The following PLB1 variants were observed in gnomAD, a reference collection of about 807,000 sequenced individuals.
The protein encoded by PLB1 is phospholipase B1, membrane-associated.
In PLB1, 242 loss-of-function variants were observed where a neutral mutation model predicts 227.4. That is an observed-to-expected ratio of 1.06 (90% CI 0.96 to 1.18). PLB1 has a LOEUF of 1.18. Ranked by LOEUF, PLB1 falls within the 50% of genes most tolerant of loss-of-function variation. The pLI is 0.00. For missense variants in PLB1, 1,858 were observed against 1,816.3 expected, an observed-to-expected ratio of 1.02 and a Z score of -0.42; for synonymous variants, 757 against 682.2, an observed-to-expected ratio of 1.11 and a Z score of -1.71.
intron 30 of PLB1, among the ~76,000 whole-genome samples, 180 bp from the exon 31 acceptor site, chr2:28,591,520 C>T (rs112451479): frequency 1.4e-4 from 21 of 152,326 alleles, no homozygotes; most frequent in African/African-American, 4.3e-4. Context: ...GAGTGGACCT[C>T]GATCTGTGGC....
Position 28,640,959 on chromosome 2 carries a change from C to T in PLB1, c.4131C>T (p.Asn1377=), listed in dbSNP as rs1243356264. ...LEPVGRKTTS[N]NFTHSRAKLK... The stretch of plus-strand genomic sequence containing the variant: ...CAGTGGGCCGCAAGACTACCTCCAA[C>T]AACTTCACCCACAGCCGAGCCAAAC... The change falls in exon 57 of 58, where the codon AAC becomes AAT. Residue 1377 remains asparagine, a synonymous_variant. Transcript: ENST00000327757. 11 of 1,613,858 alleles carry T rather than the reference C, an allele frequency of 6.8e-6. No individual in the cohort carries two copies. Among genetic ancestry groups the T allele is most frequent in the Non-Finnish European group, 9.3e-6 (11 of 1,179,926 alleles).
At chr2:28,518,608 A>G in intron 3 of PLB1, 76 bp downstream of exon 3, 2 of 1,115,602 alleles carry the variant, frequency 1.8e-6, no homozygotes, top group East Asian at 2.4e-5. Flanking sequence ...CTCTAACCCT[A>G]TTCTTCTTGG....
At chr2:28,628,739 G>C in intron 52 of PLB1, 111 bp downstream of exon 52, 1 of 1,057,918 alleles carries the variant, frequency 9.5e-7, no homozygotes, top group Non-Finnish European at 1.5e-6. Flanking sequence ...CCATGAGTGA[G>C]CACCTGGATG....
In PLB1 at chr2:28,579,484, A is replaced by G. The variant is rs1382630988; in HGVS notation, c.1486-143A>G. On this transcript the variant is annotated intron_variant, in intron 22 of 57. Transcript: ENST00000327757. The stretch of plus-strand genomic sequence containing the variant: ...TTAGCACCTATGATCTCAGGACCCT[A>G]AAAGCAAGGAACAGAAAATTCAGAA... The G allele has an allele frequency of 2.5e-5, 15 of 603,310 alleles. No individual in the cohort carries two copies. In the East Asian group the frequency reaches 3.1e-4, roughly 12 times the overall value. The allele number at this position is 603,310 out of a possible 1,614,324, so 37.4% of individuals were successfully genotyped here. A position where few individuals can be genotyped will look rare whatever the true frequency, so the allele number is the denominator to read the frequency against.
At chr2:28,620,031 G>A (rs1173777720) in intron 46 of PLB1, among the ~76,000 whole-genome samples, 1 of 152,134 alleles carries the variant, frequency 6.6e-6, no homozygotes, top group African/African-American at 2.4e-5. Context: ...AGGGGCGGGT[G>A]CTAGGGAGAG....
chr2:28,618,378 C>A lies in PLB1; in HGVS notation c.3294C>A (p.Ala1098=), dbSNP rs201645442. 1.1e-4 allele frequency: 185 copies of A among 1,614,112 alleles called. No individual in the cohort carries two copies. The highest frequency in any genetic ancestry group is 1.5e-4 in the Admixed American group (9 of 60,022). Residue 1098 remains alanine (A), a synonymous_variant, in exon 46 of 58, where the codon GCC becomes GCA. Transcript: ENST00000327757. The part of the protein sequence containing the change: ...QLRPADIKVV[A]ALGDSLTTAV... The stretch of plus-strand genomic sequence containing the variant: ...GACCAGCAGACATCAAAGTGGTGGC[C>A]GCCCTGGGTGACTCTCTGACTGTGA...
chr2:28,512,241 T>G (rs369434235), intron 1 of PLB1, among the ~76,000 whole-genome samples: 2 of 152,166 alleles, frequency 1.3e-5, no homozygotes, highest in African/African-American at 4.8e-5. Context: ...TACTGATCTT[T>G]TATTCTGTTA....
chr2:28,601,817 G>C, intron 37 of PLB1, 82 bp from the exon 38 acceptor site: 1 of 1,218,516 alleles, frequency 8.2e-7, no homozygotes, highest in Admixed American at 1.7e-5. Context: ...CAGGGCTGGA[G>C]CCAGAAGGGA....
intron 38 of PLB1, 44 bp from the exon 39 acceptor site, chr2:28,602,777 A>G (rs1398065168): frequency 6.4e-7 from 1 of 1,560,138 alleles, no homozygotes; most frequent in Non-Finnish European, 8.8e-7. Flanking sequence ...AGCCCCAGGA[A>G]GAAGTGCCTG....
intron 1 of PLB1, among the ~76,000 whole-genome samples, chr2:28,507,286 G>A (rs911362507): frequency 2.6e-5 from 4 of 152,164 alleles, no homozygotes; most frequent in Non-Finnish European, 5.9e-5. Flanking sequence ...TAATACCACA[G>A]ACTGGGTCAT....
At chr2:28,503,550 T>A (rs1667332143) in intron 1 of PLB1, among the ~76,000 whole-genome samples, 1 of 152,198 alleles carries the variant, frequency 6.6e-6, no homozygotes, top group African/African-American at 2.4e-5. Context: ...TACTCACAGT[T>A]CTGTGAACCT....
intron 22 of PLB1, among the ~76,000 whole-genome samples, 192 bp from the exon 23 acceptor site, chr2:28,579,435 T>C (rs1382770246): frequency 6.6e-6 from 1 of 152,178 alleles, no homozygotes; most frequent in Non-Finnish European, 1.5e-5. Flanking sequence ...AGTTCAGTGA[T>C]TCCACCTAAA....
At chr2:28,543,063 G>A in intron 13 of PLB1, 149 bp from the exon 14 acceptor site, 1 of 747,858 alleles carries the variant, frequency 1.3e-6, no homozygotes, top group Non-Finnish European at 2.1e-6. Context: ...TCCCATAAGT[G>A]CCCCTGTTAT....
chr2:28,526,123 C>T (rs1670230224), intron 6 of PLB1, among the ~76,000 whole-genome samples, 178 bp downstream of exon 6: 2 of 152,068 alleles, frequency 1.3e-5, no homozygotes, highest in South Asian at 4.2e-4. Context: ...AATCACAAAC[C>T]CTGAATGGGG....
chr2:28,629,345 G>A (rs974040582), intron 53 of PLB1, among the ~76,000 whole-genome samples, 160 bp downstream of exon 53: 2 of 152,218 alleles, frequency 1.3e-5, no homozygotes, highest in African/African-American at 4.8e-5. Flanking sequence ...CTCTACATTT[G>A]CAAATGCCTA....
chr2:28,587,574 C>T (rs1276247448), intron 26 of PLB1, among the ~76,000 whole-genome samples: 1 of 151,630 alleles, frequency 6.6e-6, no homozygotes, highest in Non-Finnish European at 1.5e-5. Context: ...TGCACCGTTG[C>T]GCTCCAGCCT....
intron 25 of PLB1, among the ~76,000 whole-genome samples, chr2:28,585,262 T>G (rs931659106): frequency 6.6e-6 from 1 of 151,818 alleles, no homozygotes; most frequent in African/African-American, 2.4e-5. Context: ...CAAATCCAGG[T>G]CTAGGAATTT....
chr2:28,636,460 A>G (rs1437024030), intron 56 of PLB1, among the ~76,000 whole-genome samples: 7 of 152,188 alleles, frequency 4.6e-5, no homozygotes, highest in African/African-American at 1.7e-4. Context: ...CTGTGATCCA[A>G]GGATTTCACT....
chr2:28,575,932 C>A (rs1043509251), intron 21 of PLB1, among the ~76,000 whole-genome samples: 9 of 152,128 alleles, frequency 5.9e-5, no homozygotes, highest in African/African-American at 2.2e-4. Flanking sequence ...AGGTTTACTG[C>A]TTTAATAGTA....
Sources: gnomAD v4.1 joint callset for allele counts (sites outside exome capture counted in the v4.1 genomes callset) on GRCh38, gnomAD v4.1.1 for gene constraint, MANE v1.5 for transcripts, NCBI Gene and HGNC (gene_info 2026-07-23, HGNC 2026-07-21) for gene names.